Variants in RBPJ observed in about 807,000 individuals in gnomAD.
RBPJ encodes recombination signal binding protein for immunoglobulin kappa J region, also known as recombining binding protein suppressor of hairless.
Under a neutral mutation model 67.8 loss-of-function variants are expected in RBPJ, and 9 were observed. That is an observed-to-expected ratio of 0.13 (90% CI 0.08 to 0.23). The LOEUF is 0.23. RBPJ is among the 10% of genes least tolerant of loss of function. The pLI is 1.00. For missense variants in RBPJ, 305 were observed against 595.6 expected, an observed-to-expected ratio of 0.51 and a Z score of 5.08; for synonymous variants, 198 against 203.3, an observed-to-expected ratio of 0.97 and a Z score of 0.22.
At position 26,369,284 on chromosome 4, in the gene RBPJ, G is replaced by T. The variant is rs115972527; in HGVS notation, c.21-17069G>T. Reference sequence around the variant, plus strand: ...AAATTTGTCATCACTGAACTCTTGTGAGGTGGGGATTGGTACATCTGAAGG... The same window carrying T: ...AAATTTGTCATCACTGAACTCTTGTTAGGTGGGGATTGGTACATCTGAAGG... On this transcript the variant is annotated intron_variant, in intron 1 of 10. Coordinates refer to ENST00000355476, the MANE Select transcript of RBPJ (RefSeq NM_015874.6). Among the ~76,000 whole-genome samples, 322 of 152,302 alleles carry T rather than the reference G, an allele frequency of 2.1e-3. 3 individuals are homozygous for T. The highest frequency in any genetic ancestry group is 7.1e-3 in the African/African-American group (296 of 41,570).
At chr4:26,297,565 T>A (rs1450177165) in intron 1 of RBPJ, among the ~76,000 whole-genome samples, 1 of 152,024 alleles carries the variant, frequency 6.6e-6, no homozygotes, top group East Asian at 1.9e-4. Flanking sequence ...GAGGGTAAAA[T>A]AATATGTCCA....
rs2109844186 is a variant in RBPJ at position 26,431,043 on chromosome 4, G to A, written c.*36G>A. 1 of 1,566,490 alleles carries A rather than the reference G, an allele frequency of 6.4e-7. No homozygotes were observed. Among genetic ancestry groups the A allele is most frequent in the Non-Finnish European group, 8.7e-7 (1 of 1,145,136 alleles). On this transcript the variant is annotated 3_prime_UTR_variant, in exon 11 of 11. Coordinates refer to ENST00000355476, the MANE Select transcript of RBPJ (RefSeq NM_015874.6). ...TTTGCTAGGACTTAAACTGACTTGAGTGTGGCAAAAAGTTAACAAAAAAGG... is the reference window on the plus strand; with the variant it reads ...TTTGCTAGGACTTAAACTGACTTGAATGTGGCAAAAAGTTAACAAAAAAGG...
chr4:26,420,561 C>A lies in RBPJ; in HGVS notation c.332C>A (p.Thr111Lys). The A allele has an allele frequency of 6.3e-7, 1 of 1,598,012 alleles. No individual in the cohort carries two copies. Residue 111 changes from threonine (T) to lysine (K), a missense_variant, in exon 5 of 11, where the codon ACA (threonine) becomes AAA (lysine). Physicochemically the swap from Thr to Lys is moderately conservative, Grantham distance 78. This residue lies in a region of RBPJ where 79 missense variants were observed against 106.2 expected (regional missense o/e 0.74). Transcript: ENST00000355476. ...QLNLEGKNYC[T>K]AKTLYISDSD... Reference sequence around the variant, plus strand: ...ACTTTTCTTTCACAGAACTATTGCACAGCCAAAACATTGTATATATCTGAC... The same window carrying A: ...ACTTTTCTTTCACAGAACTATTGCAAAGCCAAAACATTGTATATATCTGAC...
chr4:26,270,518 G>T (rs1304510308), intron 1 of RBPJ, among the ~76,000 whole-genome samples: 1 of 151,616 alleles, frequency 6.6e-6, no homozygotes, highest in Non-Finnish European at 1.5e-5. Context: ...AGGAGAAATC[G>T]GTAGTACACT....
At chr4:26,246,215 A>C (rs6851105) in intron 1 of RBPJ, among the ~76,000 whole-genome samples, 37,450 of 152,136 alleles carry the variant, frequency 0.25, 4,662 homozygotes, top group Non-Finnish European at 0.27. Flanking sequence ...CTTTCCATTT[A>C]TTTAGGTCTT....
intron 1 of RBPJ, among the ~76,000 whole-genome samples, chr4:26,373,127 A>G (rs1229005059): frequency 1.3e-5 from 2 of 152,220 alleles, no homozygotes; most frequent in African/African-American, 4.8e-5. Context: ...ATTAACACTC[A>G]AGCAAAAAAG....
intron 1 of RBPJ, among the ~76,000 whole-genome samples, chr4:26,301,485 G>A (rs193248092): frequency 0.011 from 1,683 of 151,772 alleles, 10 homozygotes; most frequent in Non-Finnish European, 0.018. Flanking sequence ...CCAGCTACTC[G>A]GGAGGCTGAG....
At chr4:26,420,939 G>T in intron 5 of RBPJ, 1 of 462,882 alleles carries the variant, frequency 2.2e-6, no homozygotes, top group Non-Finnish European at 3.8e-6. Context: ...AATGCTCCCA[G>T]GGACATTCTG....
chr4:26,244,526 C>CAT lies in RBPJ; in HGVS notation c.-167+80918_-167+80919dup, dbSNP rs145182848. On this transcript the variant is annotated intron_variant, in intron 1 of 4. Coordinates refer to the RBPJ transcript ENST00000512351. The stretch of plus-strand genomic sequence containing the variant: ...ATATATGTATACATATATGTGTATG[C>CAT]ATATATACTGCTAAATGTAAATGGT... Among the ~76,000 whole-genome samples the CAT allele has an allele frequency of 4.0e-3, 327 of 82,274 alleles. 49 individuals are homozygous for CAT. Among genetic ancestry groups the CAT allele is most frequent in the African/African-American group, 0.012 (262 of 20,996 alleles). 54.0% of individuals were successfully genotyped at this position (82,274 alleles called of 152,430 possible).
intron 1 of RBPJ, among the ~76,000 whole-genome samples, chr4:26,192,362 T>G (rs1220854113): frequency 1.3e-5 from 2 of 152,212 alleles, no homozygotes; most frequent in African/African-American, 4.8e-5. Context: ...TGTGTCTAAC[T>G]TTTTTCACTT....
At chr4:26,326,681 A>G (rs1723657779) in intron 1 of RBPJ, among the ~76,000 whole-genome samples, 1 of 51,604 alleles carries the variant, frequency 1.9e-5, no homozygotes, top group Non-Finnish European at 6.8e-5. Flanking sequence ...GTGACTGTCA[A>G]ATAAGGTAAA....
At chr4:26,159,235 T>A (rs558714678), upstream of RBPJ, among the ~76,000 whole-genome samples, 2 of 152,294 alleles carry the variant, frequency 1.3e-5, no homozygotes, top group East Asian at 3.9e-4. Flanking sequence ...ATCAGTGTTC[T>A]CATTTTACAT....
intron 4 of RBPJ, 65 bp from the exon 5 acceptor site, chr4:26,420,486 A>T (rs1362080796): frequency 9.1e-7 from 1 of 1,101,580 alleles, no homozygotes; most frequent in African/African-American, 1.6e-5. Context: ...GGCCATTCTG[A>T]GTTTTAGGTA....
At chr4:26,140,208 GGC>G in the RBPJ span, among the ~76,000 whole-genome samples, 2 of 152,194 alleles carry the variant, frequency 1.3e-5, no homozygotes, top group Admixed American at 6.5e-5. Flanking sequence ...GCATCCCCTA[GGC>G]TGCTGCATGC....
chr4:26,235,628 C>T (rs896109432), intron 1 of RBPJ, among the ~76,000 whole-genome samples: 1 of 152,216 alleles, frequency 6.6e-6, no homozygotes, highest in African/African-American at 2.4e-5. Flanking sequence ...GTTACTGGGC[C>T]CCATTTCTGC....
chr4:26,168,793 C>A (rs1299080543), intron 1 of RBPJ, among the ~76,000 whole-genome samples: 1 of 152,104 alleles, frequency 6.6e-6, no homozygotes, highest in Non-Finnish European at 1.5e-5. Flanking sequence ...TTTCTCTAAA[C>A]TTCCCTTCTC....
At chr4:26,409,651 C>T (rs182568711) in intron 3 of RBPJ, among the ~76,000 whole-genome samples, 13 of 152,296 alleles carry the variant, frequency 8.5e-5, no homozygotes, top group African/African-American at 2.9e-4. Flanking sequence ...AGGCACCCAC[C>T]ACCACGCACA....
intron 1 of RBPJ, among the ~76,000 whole-genome samples, chr4:26,201,428 T>G (rs1253371868): frequency 6.6e-6 from 1 of 152,220 alleles, no homozygotes; most frequent in Non-Finnish European, 1.5e-5. Flanking sequence ...CAAAAACATG[T>G]CATGGACCTC....
At chr4:26,195,798 G>T (rs999588693) in intron 1 of RBPJ, among the ~76,000 whole-genome samples, 1 of 152,162 alleles carries the variant, frequency 6.6e-6, no homozygotes, top group African/African-American at 2.4e-5. Context: ...GTTTCACCAT[G>T]TTGGTCAGGC....
Sources: gnomAD v4.1 joint callset for allele counts (sites outside exome capture counted in the v4.1 genomes callset) on GRCh38, gnomAD v4.1.1 for gene constraint, gnomAD v4.1.1 regional missense constraint, MANE v1.5 for transcripts, NCBI Gene and HGNC (gene_info 2026-07-23, HGNC 2026-07-21) for gene names.